The following ARHGAP15 variants were observed in gnomAD, a reference collection of about 807,000 sequenced individuals.
ARHGAP15 encodes the protein Rho GTPase activating protein 15, also known as rho GTPase-activating protein 15.
ARHGAP15 carries 51 observed loss-of-function variants against 63.7 expected under a neutral mutation model. That is an observed-to-expected ratio of 0.80 (90% CI 0.64 to 1.01). The LOEUF (loss-of-function observed/expected upper bound fraction) is 1.01. Ranked by LOEUF, ARHGAP15 falls within the 50% of genes least tolerant of loss-of-function variation. The pLI is 0.00. For missense variants in ARHGAP15, 560 were observed against 564.6 expected, an observed-to-expected ratio of 0.99 and a Z score of 0.08; for synonymous variants, 191 against 193.8, an observed-to-expected ratio of 0.99 and a Z score of 0.12.
intron 6 of ARHGAP15, among the ~76,000 whole-genome samples, chr2:143,405,340 A>C (rs1688154489): frequency 6.7e-6 from 1 of 150,230 alleles, no homozygotes; most frequent in South Asian, 2.1e-4. Flanking sequence ...TTTGCTTATC[A>C]TTTTGTGTTT....
intron 11 of ARHGAP15, among the ~76,000 whole-genome samples, chr2:143,603,507 C>T (rs1697858760): frequency 6.6e-6 from 1 of 152,144 alleles, no homozygotes; most frequent in African/African-American, 2.4e-5. Context: ...ACTTTTCCCC[C>T]TCTGTCGATG....
chr2:143,402,253 A>G (rs1688015281), intron 6 of ARHGAP15, among the ~76,000 whole-genome samples: 1 of 151,892 alleles, frequency 6.6e-6, no homozygotes, highest in Non-Finnish European at 1.5e-5. Context: ...TATTATTACA[A>G]TGATATAAAA....
At chr2:143,395,103 C>A (rs757979539) in intron 6 of ARHGAP15, among the ~76,000 whole-genome samples, 1 of 151,780 alleles carries the variant, frequency 6.6e-6, no homozygotes, top group Non-Finnish European at 1.5e-5. Context: ...GATTATAAAA[C>A]GTGAATAATA....
At chr2:143,687,455 G>A (rs937154141) in intron 12 of ARHGAP15, among the ~76,000 whole-genome samples, 5 of 152,148 alleles carry the variant, frequency 3.3e-5, no homozygotes, top group Non-Finnish European at 7.4e-5. Flanking sequence ...GCACTGCAGG[G>A]TCCTTAGTCC....
At chr2:143,243,593 G>T (rs761681669) in intron 5 of ARHGAP15, among the ~76,000 whole-genome samples, 10 of 152,068 alleles carry the variant, frequency 6.6e-5, no homozygotes, top group Non-Finnish European at 1.2e-4. Flanking sequence ...TTCATTAGCA[G>T]ACTTTTTCTT....
intron 9 of ARHGAP15, among the ~76,000 whole-genome samples, chr2:143,514,738 G>A (rs548677529): frequency 6.6e-6 from 1 of 152,296 alleles, no homozygotes; most frequent in Admixed American, 6.5e-5. Context: ...GACTGGACTT[G>A]TCTCTTCACT....
chr2:143,162,866 A>C (rs1450542125), intron 2 of ARHGAP15, among the ~76,000 whole-genome samples: 5 of 152,022 alleles, frequency 3.3e-5, no homozygotes, highest in Admixed American at 6.6e-5. Context: ...AGATGTTAAC[A>C]CCCAAAAATT....
chr2:143,537,660 G>C (rs866749694), intron 10 of ARHGAP15, among the ~76,000 whole-genome samples: 162 of 152,214 alleles, frequency 1.1e-3, no homozygotes, highest in African/African-American at 3.1e-3. Flanking sequence ...GCTTGTTTTT[G>C]TCAGGTTTGT....
At chr2:143,355,592 G>C (rs555866325) in intron 6 of ARHGAP15, among the ~76,000 whole-genome samples, 10 of 151,954 alleles carry the variant, frequency 6.6e-5, no homozygotes, top group African/African-American at 2.4e-4. Context: ...CCCCATTTTT[G>C]AACCTTGACA....
chr2:143,489,577 C>T (rs530060521), intron 9 of ARHGAP15, among the ~76,000 whole-genome samples: 3 of 151,894 alleles, frequency 2.0e-5, no homozygotes, highest in African/African-American at 7.3e-5. Flanking sequence ...AGGCATTAAA[C>T]CAATTTTTAA....
At chr2:143,484,294 T>A (rs4662333) in intron 8 of ARHGAP15, among the ~76,000 whole-genome samples, 147,316 of 151,028 alleles carry the variant, frequency 0.98, 71,954 homozygotes, top group East Asian at 1. Context: ...TGAACCCAGG[T>A]GGCAATGGTT....
At chr2:143,323,915 A>AC (rs1684137238) in intron 6 of ARHGAP15, among the ~76,000 whole-genome samples, 7 of 149,696 alleles carry the variant, frequency 4.7e-5, no homozygotes, top group African/African-American at 1.2e-4. Context: ...AAAAAAAAAA[A>AC]AAAAAAAACA....
chr2:143,203,071 C>A (rs1558811524), intron 3 of ARHGAP15, among the ~76,000 whole-genome samples: 1 of 152,034 alleles, frequency 6.6e-6, no homozygotes, highest in Non-Finnish European at 1.5e-5. Context: ...GGTCAATATG[C>A]TTCCAGTCTT....
intron 8 of ARHGAP15, among the ~76,000 whole-genome samples, chr2:143,471,208 GTA>G (rs1307098337): frequency 1.4e-5 from 2 of 145,980 alleles, no homozygotes; most frequent in Non-Finnish European, 3.0e-5. Flanking sequence ...ATATATGTGT[GTA>G]TATATACACA....
At chr2:143,497,111 CA>C (rs1256412535) in intron 9 of ARHGAP15, among the ~76,000 whole-genome samples, 1 of 152,186 alleles carries the variant, frequency 6.6e-6, no homozygotes, top group Non-Finnish European at 1.5e-5. Context: ...GGCTTTGTTT[CA>C]TCTTATGACT....
At position 143,297,883 on chromosome 2, in the gene ARHGAP15, A is replaced by C. The variant is rs901909914; in HGVS notation, c.474+47283A>C. 5.3e-5 allele frequency among the ~76,000 whole-genome samples: 8 copies of C among 152,160 alleles called. No individual in the cohort carries two copies. The East Asian group carries it at 1.6e-3, about 30-fold the overall frequency. On this transcript the variant is annotated intron_variant, in intron 6 of 13. Transcript: ENST00000295095. ...AACCCACCACAAAACAGTATAATTG[A>C]GGACTATTACTAGGCCACATGTTTT...
chr2:143,152,609 T>C (rs1325621152), intron 1 of ARHGAP15, among the ~76,000 whole-genome samples: 1 of 152,044 alleles, frequency 6.6e-6, no homozygotes, highest in Non-Finnish European at 1.5e-5. Flanking sequence ...GGTATATGTA[T>C]GTTTTCTGTT....
chr2:143,267,105 C>A (rs1681036318), intron 6 of ARHGAP15, among the ~76,000 whole-genome samples: 2 of 152,100 alleles, frequency 1.3e-5, no homozygotes. Flanking sequence ...ATGCATAATC[C>A]CTCCATATGT....
chr2:143,714,253 C>T (rs1436980778), intron 13 of ARHGAP15, among the ~76,000 whole-genome samples: 2 of 152,228 alleles, frequency 1.3e-5, no homozygotes, highest in Non-Finnish European at 2.9e-5. Context: ...GGGCTTCCAC[C>T]CTCTGAAGCC....
Sources: gnomAD v4.1 joint callset for allele counts (sites outside exome capture counted in the v4.1 genomes callset) on GRCh38, gnomAD v4.1.1 for gene constraint, MANE v1.5 for transcripts, NCBI Gene and HGNC (gene_info 2026-07-23, HGNC 2026-07-21) for gene names.